Variants in TPR observed in about 807,000 individuals in gnomAD.
TPR encodes the protein translocated promoter region, nuclear basket protein.
A neutral mutation model predicts 316.1 loss-of-function variants in TPR; 51 were observed. That is an observed-to-expected ratio of 0.16 (90% CI 0.13 to 0.20). TPR has a LOEUF of 0.20. TPR is among the 10% of genes least tolerant of loss of function. TPR has a pLI of 1.00. For synonymous variants in TPR, 981 were observed against 914.7 expected, an observed-to-expected ratio of 1.07 and a Z score of -1.31; for missense variants, 2,272 against 2,754.8, an observed-to-expected ratio of 0.82 and a Z score of 3.92.
At position 186,351,333 on chromosome 1, in the gene TPR, T is replaced by C. The variant is rs758392427; in HGVS notation, c.2607A>G (p.Leu869=). 6.2e-7 allele frequency: 1 copy of C among 1,607,678 alleles called. No individual in the cohort carries two copies. Among genetic ancestry groups the C allele is most frequent in the Non-Finnish European group, 8.5e-7 (1 of 1,177,516 alleles). ...TTCAGAACTCTGATGGACTCACATCTAGATTTCTAGTAAGTGTATGCCTTT... is the reference window on the plus strand; with the variant it reads ...TTCAGAACTCTGATGGACTCACATCCAGATTTCTAGTAAGTGTATGCCTTT... The part of the protein sequence containing the change: ...VEQRHTLTRN[L]DVQLLDTKRQ... Residue 869 remains leucine (L), a synonymous_variant, in exon 20 of 51, where the codon CTA becomes CTG. Coordinates refer to ENST00000367478, the MANE Select transcript of TPR (RefSeq NM_003292.3).
chr1:186,325,586 C>T (rs1437058126), intron 42 of TPR, 178 bp downstream of exon 42: 1 of 501,774 alleles, frequency 2.0e-6, no homozygotes, highest in Non-Finnish European at 3.4e-6. Context: ...AATGACAGCA[C>T]CTAACAATCA....
chr1:186,343,584 C>A (rs903899252), intron 26 of TPR, 111 bp from the exon 27 acceptor site: 4 of 969,684 alleles, frequency 4.1e-6, no homozygotes, highest in Non-Finnish European at 5.9e-6. Flanking sequence ...AACTATTACA[C>A]GTTTTCATTA....
intron 46 of TPR, among the ~76,000 whole-genome samples, chr1:186,319,173 A>G (rs1380168127): frequency 6.6e-6 from 1 of 152,052 alleles, no homozygotes; most frequent in Non-Finnish European, 1.5e-5. Flanking sequence ...TTGTAGAGAC[A>G]GGGGTCAGTC....
intron 30 of TPR, 79 bp from the exon 31 acceptor site, chr1:186,338,322 T>C: frequency 1.7e-6 from 2 of 1,152,006 alleles, no homozygotes; most frequent in Admixed American, 2.6e-5. Flanking sequence ...TAACTTTATG[T>C]TATACTGCTT....
chr1:186,335,147 T>C lies in TPR; in HGVS notation c.4912-18A>G. The C allele has an allele frequency of 3.7e-6, 6 of 1,602,638 alleles. No homozygotes were observed. Among genetic ancestry groups the C allele is most frequent in the Non-Finnish European group, 5.1e-6 (6 of 1,176,426 alleles). ...TCAGGGACCTATAAAGAGAAAGCTC[T>C]TGATTGTTGTTCCTAGCCCACAAGA... On this transcript the variant is annotated intron_variant, in intron 34 of 50. Transcript: ENST00000367478.
chr1:186,348,911 A>C (rs1256717827), intron 21 of TPR, among the ~76,000 whole-genome samples: 1 of 152,220 alleles, frequency 6.6e-6, no homozygotes, highest in Non-Finnish European at 1.5e-5. Context: ...TCAATAGGAA[A>C]GTATATAATT....
At chr1:186,345,324 A>T (rs1658642946) in intron 24 of TPR, among the ~76,000 whole-genome samples, 1 of 152,150 alleles carries the variant, frequency 6.6e-6, no homozygotes, top group Admixed American at 6.5e-5. Flanking sequence ...TGCAAATGAG[A>T]GCCAAGTACA....
chr1:186,355,730 T>C lies in TPR; in HGVS notation c.1927A>G (p.Lys643Glu), dbSNP rs1309210354. Residue 643 changes from lysine (K) to glutamate (E), a missense_variant, in exon 16 of 51, where the codon AAA becomes GAA. By Grantham distance (56) the Lys-to-Glu change is moderately conservative. This residue lies in a region of TPR where 757 missense variants were observed against 859.8 expected (regional missense o/e 0.88). Transcript: ENST00000367478. ...ACAGTCTGTGATGTACTTGGACGTT[T>C]TGGAGTTGATGCAAGAGAAACATCA... ...LDDVSLASTPKRPSTSQTVST... is the reference protein window; with the variant it reads ...LDDVSLASTPERPSTSQTVST... 2 of 1,614,114 alleles carry C rather than the reference T, an allele frequency of 1.2e-6. No individual in the cohort carries two copies. Among genetic ancestry groups the C allele is most frequent in the Middle Eastern group, 1.7e-4 (1 of 6,060 alleles).
In TPR at chr1:186,333,115, A is replaced by T. The variant is rs1429088812; in HGVS notation, c.5455+7T>A. The T allele has an allele frequency of 6.2e-7, 1 of 1,612,072 alleles. No homozygotes were observed. The highest frequency in any genetic ancestry group is 8.5e-7 in the Non-Finnish European group (1 of 1,178,844). ...CTACTCTGACTTCATTTTAAAATTA[A>T]TTTTACCTGTGCCAAATACTGCTGT... On this transcript the variant is annotated splice_region_variant and intron_variant, in intron 37 of 50. Transcript: ENST00000367478.
chr1:186,330,771 A>G (rs905646469), intron 39 of TPR, among the ~76,000 whole-genome samples: 11 of 152,104 alleles, frequency 7.2e-5, no homozygotes, highest in African/African-American at 2.7e-4. Flanking sequence ...ATTAAACACT[A>G]TTTAGCCACC....
chr1:186,318,700 A>G, intron 47 of TPR, 33 bp downstream of exon 47: 1 of 1,612,362 alleles, frequency 6.2e-7, no homozygotes, highest in Non-Finnish European at 8.5e-7. Flanking sequence ...TTTACCAATA[A>G]AACAGAACCT....
intron 24 of TPR, 129 bp downstream of exon 24, chr1:186,345,451 C>T: frequency 2.8e-6 from 2 of 712,162 alleles, no homozygotes; most frequent in East Asian, 2.6e-5. Context: ...TTTGTCTTGT[C>T]TAAGTTCCAC....
chr1:186,346,023 A>G (rs1658667453), intron 23 of TPR, 112 bp downstream of exon 23: 1 of 1,262,492 alleles, frequency 7.9e-7, no homozygotes, highest in East Asian at 2.4e-5. Context: ...AATTTTGCCT[A>G]TGTGTTCAAT....
chr1:186,343,833 CTAAT>C (rs1658592618), intron 26 of TPR, 69 bp downstream of exon 26: 1 of 1,285,872 alleles, frequency 7.8e-7, no homozygotes, highest in East Asian at 2.5e-5. Flanking sequence ...ATCTCCTTCT[CTAAT>C]TTATATATTT....
rs771155101 is a variant in TPR at position 186,355,785 on chromosome 1, A to G, written c.1889-17T>C. On this transcript the variant is annotated splice_polypyrimidine_tract_variant and intron_variant, in intron 15 of 50. Coordinates refer to ENST00000367478, the MANE Select transcript of TPR (RefSeq NM_003292.3). The stretch of plus-strand genomic sequence containing the variant: ...AGCTTGAAGCTTCAGGAAAGTAAAG[A>G]CTAATAAAATGCTTTGTTGGCTTTC... 1.9e-5 allele frequency: 30 copies of G among 1,610,494 alleles called. No homozygotes were observed. Among genetic ancestry groups the G allele is most frequent in the Admixed American group, 3.4e-5 (2 of 58,580 alleles).
chr1:186,329,469 C>A (rs746563799), intron 39 of TPR, among the ~76,000 whole-genome samples: 2 of 152,126 alleles, frequency 1.3e-5, no homozygotes, highest in Non-Finnish European at 2.9e-5. Context: ...ACTTATGTTT[C>A]ATATACAAAG....
intron 39 of TPR, among the ~76,000 whole-genome samples, chr1:186,328,320 C>T (rs547252660): frequency 4.2e-4 from 64 of 152,160 alleles, no homozygotes; most frequent in Admixed American, 2.2e-3. Flanking sequence ...TGTTAGTAGC[C>T]ACTTAAAAAC....
In TPR at chr1:186,312,199, ATAAACAGGAACC is replaced by A. The variant is rs1657305028; in HGVS notation, c.*1760_*1771del. 1 of 1,613,886 alleles carries A rather than the reference ATAAACAGGAACC, an allele frequency of 6.2e-7. No homozygotes were observed. Reference sequence around the variant, plus strand: ...GGTGGCAGCATTCAGCAGTATATTTATAAACAGGAACCTGTACAGAAGTGCCCTGGAAGAAGG... The same window carrying A: ...GGTGGCAGCATTCAGCAGTATATTTATGTACAGAAGTGCCCTGGAAGAAGG... On this transcript the variant is annotated 3_prime_UTR_variant, in exon 51 of 51. Coordinates refer to ENST00000367478, the MANE Select transcript of TPR (RefSeq NM_003292.3).
Position 186,332,220 on chromosome 1 carries a change from T to C in TPR, c.5579A>G (p.Lys1860Arg). ...TVEMPLPKKL[K>R]SVTPVGTEEE... is the part of the protein sequence containing the mutation. The stretch of plus-strand genomic sequence containing the variant: ...CTCAGTTCCTACAGGTGTGACACTT[T>C]TCAACTTCTTTGGAAGAGGCATTTC... Residue 1860 changes from lysine (K) to arginine (R), a missense_variant, in exon 38 of 51, where the codon AAA becomes AGA. Transcript: ENST00000367478. 1 of 1,611,660 alleles carries C rather than the reference T, an allele frequency of 6.2e-7. No individual in the cohort carries two copies. Among genetic ancestry groups the C allele is most frequent in the Admixed American group, 1.7e-5 (1 of 59,880 alleles).
Sources: gnomAD v4.1 joint callset for allele counts (sites outside exome capture counted in the v4.1 genomes callset) on GRCh38, gnomAD v4.1.1 for gene constraint, gnomAD v4.1.1 regional missense constraint, MANE v1.5 for transcripts, NCBI Gene and HGNC (gene_info 2026-07-23, HGNC 2026-07-21) for gene names.